The following ALDH7A1 variants were observed in gnomAD, a reference collection of about 807,000 sequenced individuals.
ALDH7A1 encodes alpha-aminoadipic semialdehyde dehydrogenase.
Under a neutral mutation model 79.9 loss-of-function variants are expected in ALDH7A1, and 63 were observed. The ratio of observed to expected loss-of-function variants is 0.79; its 90% CI spans 0.64 to 0.97. ALDH7A1 has a LOEUF of 0.97. ALDH7A1 is among the 50% of genes least tolerant of loss of function. The probability of loss-of-function intolerance (pLI) is 0.00; values close to 1 mark genes in which losing one functional copy is unlikely to be tolerated. For synonymous variants in ALDH7A1, 240 were observed against 231.2 expected (o/e 1.04, Z -0.34); for missense variants, 627 against 665.2 (o/e 0.94, Z 0.63).
intron 7 of ALDH7A1, among the ~76,000 whole-genome samples, chr5:126,571,649 T>C (rs956359486): frequency 8.6e-5 from 13 of 151,962 alleles, no homozygotes; most frequent in African/African-American, 3.1e-4. Flanking sequence ...TATTTATTTA[T>C]TTATTTTTTT....
chr5:126,564,855 A>C (rs531504762), intron 9 of ALDH7A1, among the ~76,000 whole-genome samples: 15 of 152,188 alleles, frequency 9.9e-5, no homozygotes, highest in Non-Finnish European at 1.9e-4. Context: ...ACATCCTTCC[A>C]GTTCTCTATC....
chr5:126,554,778 T>C (rs930598883), intron 12 of ALDH7A1: 2 of 333,240 alleles, frequency 6.0e-6, no homozygotes, highest in African/African-American at 4.3e-5. Flanking sequence ...GTTTACTCAT[T>C]ACAGTGTGAC....
chr5:126,571,133 C>CA, intron 7 of ALDH7A1: 1 of 250,766 alleles, frequency 4.0e-6, no homozygotes, highest in Non-Finnish European at 7.8e-6. Context: ...ATGCCGTTTT[C>CA]AAAAAACTAT....
Position 126,546,346 on chromosome 5 carries a change from GT to G in ALDH7A1, c.1542del (p.Lys514AsnfsTer4). The G allele has an allele frequency of 6.2e-7, 1 of 1,614,160 alleles. No individual in the cohort carries two copies. Among genetic ancestry groups the G allele is most frequent in the South Asian group, 1.1e-5 (1 of 91,084 alleles). ...TACCAAGTAGACCTTCTCATGTACTGTTTCCAGGCATCACTGCCAGACTCCC... is the reference window on the plus strand; with the variant it reads ...TACCAAGTAGACCTTCTCATGTACTGTTCCAGGCATCACTGCCAGACTCCC... ...GGRESGSDAWKQYMRRSTCTI... is the reference protein window; with the variant it reads ...GGRESGSDAWXQYMRRSTCTI... On this transcript the variant is annotated frameshift_variant, in exon 17 of 18. Transcript: ENST00000409134. LOFTEE classifies it high-confidence loss of function.
Position 126,544,708 on chromosome 5 carries a change from G to A in ALDH7A1, c.*257C>T. 2 of 480,906 alleles carry A rather than the reference G, an allele frequency of 4.2e-6. No homozygotes were observed. The highest frequency in any genetic ancestry group is 2.3e-5 in the South Asian group (1 of 44,334). The allele number at this position is 480,906 out of a possible 1,614,324, so 29.8% of individuals were successfully genotyped here. On this transcript the variant is annotated 3_prime_UTR_variant, in exon 18 of 18. Transcript: ENST00000409134. ...CAAAATAATCATTAACTTTTAAAAA[G>A]CCATGTACAACTAGTTGACATAATA...
intron 1 of ALDH7A1, among the ~76,000 whole-genome samples, chr5:126,594,680 A>G (rs981706245): frequency 1.3e-5 from 2 of 151,900 alleles, no homozygotes; most frequent in African/African-American, 4.8e-5. Flanking sequence ...TCGCTACCTC[A>G]GGTGATCCGC....
At chr5:126,594,937 A>C in intron 1 of ALDH7A1, 70 bp downstream of exon 1, 1 of 1,541,384 alleles carries the variant, frequency 6.5e-7, no homozygotes, top group South Asian at 1.2e-5. Context: ...GGGAGTCGGT[A>C]GGTCAGTGCC....
At chr5:126,590,722 A>C (rs566654590) in intron 3 of ALDH7A1, among the ~76,000 whole-genome samples, 107 of 151,994 alleles carry the variant, frequency 7.0e-4, no homozygotes, top group Non-Finnish European at 1.3e-3. Context: ...CCACCTCTAC[A>C]AAAAATACAA....
At position 126,577,116 on chromosome 5, in the gene ALDH7A1, T is replaced by C; in HGVS notation, c.613A>G (p.Asn205Asp). The C allele has an allele frequency of 6.2e-7, 1 of 1,614,192 alleles. No individual in the cohort carries two copies. The highest frequency in any genetic ancestry group is 8.5e-7 in the Non-Finnish European group (1 of 1,180,030). ...TTTCCACAGATCATGGCGATGGCGT[T>C]GTTCCAACCATACACTGCCACAGGG... ...NFPVAVYGWN[N>D]AIAMICGNVC... Residue 205 changes from asparagine to aspartate, a missense_variant, in exon 6 of 18, where the codon AAC (asparagine) becomes GAC (aspartate). Coordinates refer to ENST00000409134, the MANE Select transcript of ALDH7A1 (RefSeq NM_001182.5).
chr5:126,559,428 G>GT, intron 10 of ALDH7A1, 94 bp from the exon 11 acceptor site: 4 of 718,612 alleles, frequency 5.6e-6, no homozygotes, highest in East Asian at 3.9e-5. Context: ...TTTGTTTTTG[G>GT]TTTTGGTTTT....
intron 3 of ALDH7A1, chr5:126,586,391 T>A (rs1751360082): frequency 6.6e-6 from 1 of 152,240 alleles, no homozygotes; most frequent in Admixed American, 6.5e-5. Flanking sequence ...ATGGCCAGTA[T>A]ACATGGCCTT....
At chr5:126,593,446 C>T in intron 1 of ALDH7A1, 42 bp from the exon 2 acceptor site, 1 of 1,613,082 alleles carries the variant, frequency 6.2e-7, no homozygotes, top group Non-Finnish European at 8.5e-7. Flanking sequence ...AAAACGTAAT[C>T]CCTTTTGAAG....
chr5:126,570,711 C>G lies in ALDH7A1; in HGVS notation c.773+71G>C. On this transcript the variant is annotated intron_variant, in intron 8 of 17. Transcript: ENST00000409134. The stretch of plus-strand genomic sequence containing the variant: ...CTTAGTTATAAGTGAGTTCATTATT[C>G]TAGTAACGATGATTCTAGTTGGTCA... The G allele has an allele frequency of 3.6e-6, 5 of 1,396,814 alleles. No homozygotes were observed. In the South Asian group the frequency reaches 4.6e-5, roughly 13 times the overall value. 86.5% of individuals were successfully genotyped at this position (1,396,814 alleles called of 1,614,324 possible).
Position 126,550,252 on chromosome 5 carries a change from C to T in ALDH7A1, c.1359G>A (p.Gln453=). 1 of 1,613,702 alleles carries T rather than the reference C, an allele frequency of 6.2e-7. No homozygotes were observed. Among genetic ancestry groups the T allele is most frequent in the East Asian group, 2.2e-5 (1 of 44,860 alleles). Reference sequence around the variant, plus strand: ...TGGTAAAGATGCTACTTGAAAGTCCCTGTTTTACTTCATTATTCCATGCAA... The same window carrying T: ...TGGTAAAGATGCTACTTGAAAGTCCTTGTTTTACTTCATTATTCCATGCAA... The part of the protein sequence containing the change: ...EVFAWNNEVK[Q]GLSSSIFTKD... The change falls in exon 15 of 18, where the codon CAG becomes CAA. Residue 453 remains glutamine, a synonymous_variant. Coordinates refer to ENST00000409134, the MANE Select transcript of ALDH7A1 (RefSeq NM_001182.5).
intron 10 of ALDH7A1, among the ~76,000 whole-genome samples, chr5:126,559,862 A>G (rs1332274099): frequency 6.6e-6 from 1 of 152,060 alleles, no homozygotes; most frequent in Non-Finnish European, 1.5e-5. Context: ...TATGAGCTCT[A>G]TGATCTTTAC....
At chr5:126,568,384 C>T in intron 8 of ALDH7A1, 28 bp from the exon 9 acceptor site, 2 of 1,597,052 alleles carry the variant, frequency 1.3e-6, no homozygotes, top group Middle Eastern at 1.7e-4. Context: ...CGGTCGGCCA[C>T]CCAAGCAGAG....
chr5:126,560,959 C>T (rs887601435), intron 10 of ALDH7A1, 124 bp downstream of exon 10: 2 of 1,058,824 alleles, frequency 1.9e-6, no homozygotes, highest in Non-Finnish European at 2.9e-6. Flanking sequence ...TTCCTAAACA[C>T]AGGAACTAGG....
intron 11 of ALDH7A1, among the ~76,000 whole-genome samples, chr5:126,558,387 G>A (rs115347130): frequency 3.0e-3 from 463 of 151,892 alleles, no homozygotes; most frequent in Non-Finnish European, 5.3e-3. Context: ...CTGTCCTCTC[G>A]ATATATATAT....
chr5:126,558,244 C>T lies in ALDH7A1; in HGVS notation c.1008+996G>A, dbSNP rs190457841. ...TCAGTTATAGTATAGTCTTTTAGTA[C>T]CATAAAGTCATGAAAATCAAAGTTG... On this transcript the variant is annotated intron_variant, in intron 11 of 17. Coordinates refer to ENST00000409134, the MANE Select transcript of ALDH7A1 (RefSeq NM_001182.5). Among the ~76,000 whole-genome samples the T allele has an allele frequency of 3.5e-3, 517 of 148,570 alleles. 3 individuals carry two copies. Among genetic ancestry groups the T allele is most frequent in the South Asian group, 8.8e-3 (41 of 4,660 alleles).
Sources: allele counts gnomAD v4.1 joint callset (sites outside exome capture counted in the v4.1 genomes callset), GRCh38; gene constraint gnomAD v4.1.1; transcripts MANE v1.5; gene names NCBI Gene and HGNC (gene_info 2026-07-23, HGNC 2026-07-21).